Variants in LRRIQ3 observed in about 807,000 individuals in gnomAD.
LRRIQ3 encodes the protein leucine-rich repeat and IQ domain-containing protein 3.
Under a neutral mutation model 59.3 loss-of-function variants are expected in LRRIQ3, and 75 were observed. The observed-to-expected ratio is 1.26, with a 90% CI of 1.05 to 1.53. The LOEUF is 1.53. Among genes scored for constraint, LRRIQ3 ranks in the 40% most tolerant of loss-of-function variants. The pLI is 0.00. For missense variants in LRRIQ3, 831 were observed against 710.0 expected, an observed-to-expected ratio of 1.17 and a Z score of -1.94; for synonymous variants, 250 against 231.3, an observed-to-expected ratio of 1.08 and a Z score of -0.73.
chr1:74,063,166 T>A (rs1334523013), intron 6 of LRRIQ3, among the ~76,000 whole-genome samples: 7 of 150,086 alleles, frequency 4.7e-5, no homozygotes, highest in East Asian at 2.0e-4. Context: ...CGAGGAAGGG[T>A]GTTTCCTAAT....
intron 5 of LRRIQ3, among the ~76,000 whole-genome samples, chr1:74,090,917 A>C (rs1313485056): frequency 2.6e-5 from 4 of 152,110 alleles, no homozygotes; most frequent in Admixed American, 2.6e-4. Flanking sequence ...AAGTAAATAC[A>C]TAAATCAAAA....
intron 4 of LRRIQ3, among the ~76,000 whole-genome samples, chr1:74,133,557 T>C (rs1193348688): frequency 1.3e-5 from 2 of 152,148 alleles, no homozygotes; most frequent in African/African-American, 4.8e-5. Flanking sequence ...TTCATGTCCT[T>C]TGTAGGCACC....
chr1:74,096,548 C>T (rs897802430), intron 5 of LRRIQ3, among the ~76,000 whole-genome samples: 8 of 152,090 alleles, frequency 5.3e-5, no homozygotes, highest in African/African-American at 1.4e-4. Context: ...TCTCGCAACT[C>T]GTTAAAGTCA....
At chr1:74,178,595 T>C (rs1649786902) in intron 3 of LRRIQ3, among the ~76,000 whole-genome samples, 1 of 152,140 alleles carries the variant, frequency 6.6e-6, no homozygotes, top group Non-Finnish European at 1.5e-5. Flanking sequence ...TTGTACTGCA[T>C]TATCAATTTG....
At chr1:74,098,768 C>A (rs1421059602) in intron 5 of LRRIQ3, among the ~76,000 whole-genome samples, 1 of 152,180 alleles carries the variant, frequency 6.6e-6, no homozygotes, top group African/African-American at 2.4e-5. Flanking sequence ...AACCACTCAA[C>A]TACATGGAAA....
intron 4 of LRRIQ3, among the ~76,000 whole-genome samples, chr1:74,153,470 C>T (rs1648112507): frequency 2.6e-5 from 4 of 152,134 alleles, no homozygotes; most frequent in Admixed American, 1.3e-4. Context: ...GGGAGCTCTT[C>T]ATATTTCCTA....
At position 74,041,805 on chromosome 1, in the gene LRRIQ3, G is replaced by A. The variant is rs750908343; in HGVS notation, c.1126C>T (p.His376Tyr). The A allele has an allele frequency of 1.4e-5, 23 of 1,613,298 alleles. No homozygotes were observed. The Admixed American group carries it at 2.5e-4, about 18-fold the overall frequency. ...GGCTGAGGATATGCAGGAAAAAAATGTTGTTTTTTCTCTCTCAATACTGCA... is the reference window on the plus strand; with the variant it reads ...GGCTGAGGATATGCAGGAAAAAAATATTGTTTTTTCTCTCTCAATACTGCA... ...NNAVLREKKQ[H>Y]FFPAYPQPIY... The change falls in exon 7 of 8, where the codon CAT (histidine) becomes TAT (tyrosine). Residue 376 changes from histidine to tyrosine, a missense_variant. Coordinates refer to ENST00000354431, the MANE Select transcript of LRRIQ3 (RefSeq NM_001105659.2).
chr1:74,108,833 A>G (rs1646648208), intron 5 of LRRIQ3: 1 of 342,094 alleles, frequency 2.9e-6, no homozygotes, highest in African/African-American at 2.2e-5. Context: ...TAAGTTAATT[A>G]ACCTCTATGT....
chr1:74,092,148 T>C (rs554312861), intron 5 of LRRIQ3, among the ~76,000 whole-genome samples: 1 of 151,966 alleles, frequency 6.6e-6, no homozygotes, highest in African/African-American at 2.4e-5. Context: ...ATGGGTGGAG[T>C]AAGTGCAGTC....
At chr1:74,139,069 T>C (rs1468871364) in intron 4 of LRRIQ3, among the ~76,000 whole-genome samples, 5 of 150,614 alleles carry the variant, frequency 3.3e-5, no homozygotes, top group Admixed American at 6.7e-5. Flanking sequence ...TATATATATA[T>C]ATACACATAT....
At chr1:74,147,056 C>T (rs975260527) in intron 4 of LRRIQ3, among the ~76,000 whole-genome samples, 5 of 151,952 alleles carry the variant, frequency 3.3e-5, no homozygotes, top group Non-Finnish European at 7.4e-5. Flanking sequence ...TGCGAAACTC[C>T]ATCTCTATAA....
At chr1:74,193,969 GCAA>G (rs1650933630) in intron 1 of LRRIQ3, among the ~76,000 whole-genome samples, 3 of 152,076 alleles carry the variant, frequency 2.0e-5, no homozygotes, top group Admixed American at 2.0e-4. Flanking sequence ...TAGAATGTCT[GCAA>G]CATATTAAGT....
chr1:74,183,239 C>T (rs915616222), intron 2 of LRRIQ3, 197 bp downstream of exon 2: 1 of 411,586 alleles, frequency 2.4e-6, no homozygotes, highest in East Asian at 4.1e-5. Context: ...AGATTACACA[C>T]TATTTATGTA....
At chr1:74,046,355 G>C (rs1482348835) in intron 6 of LRRIQ3, among the ~76,000 whole-genome samples, 2 of 152,072 alleles carry the variant, frequency 1.3e-5, no homozygotes, top group African/African-American at 4.8e-5. Context: ...CAAGAAATGG[G>C]GAAAGGGTAC....
chr1:74,079,939 T>C (rs1175996959), intron 5 of LRRIQ3, among the ~76,000 whole-genome samples: 1 of 151,776 alleles, frequency 6.6e-6, no homozygotes, highest in Non-Finnish European at 1.5e-5. Context: ...TTTTTGTTAC[T>C]CCAAAGCTTC....
At chr1:74,128,008 T>C (rs936878758) in intron 4 of LRRIQ3, among the ~76,000 whole-genome samples, 1 of 152,034 alleles carries the variant, frequency 6.6e-6, no homozygotes, top group Non-Finnish European at 1.5e-5. Flanking sequence ...GGATACAGCT[T>C]TTTTTCCTTC....
rs113801587 is a variant in LRRIQ3, at chr1:74,094,014, G to A, written c.867+15380C>T. On this transcript the variant is annotated intron_variant, in intron 5 of 7. Coordinates refer to ENST00000354431, the MANE Select transcript of LRRIQ3 (RefSeq NM_001105659.2). ...CTGAAAGTTGGAAGTCCAAGGTAAA[G>A]GTTCCAGCTGATTCAGCTTCTGATG... Among the ~76,000 whole-genome samples, 565 of 152,098 alleles carry A rather than the reference G, an allele frequency of 3.7e-3. 9 individuals are homozygous for A. Among genetic ancestry groups the A allele is most frequent in the African/African-American group, 0.013 (527 of 41,530 alleles).
At chr1:74,150,032 G>C (rs1026913694) in intron 4 of LRRIQ3, among the ~76,000 whole-genome samples, 5 of 152,194 alleles carry the variant, frequency 3.3e-5, no homozygotes, top group Non-Finnish European at 5.9e-5. Flanking sequence ...TAGGAAAAGA[G>C]AAATGCAGTA....
At chr1:74,166,095 T>C (rs1648970479) in intron 3 of LRRIQ3, among the ~76,000 whole-genome samples, 1 of 151,634 alleles carries the variant, frequency 6.6e-6, no homozygotes, top group Admixed American at 6.6e-5. Flanking sequence ...AGGTGTTCCT[T>C]TTTTATTTTT....
Sources: gnomAD v4.1 joint callset for allele counts (sites outside exome capture counted in the v4.1 genomes callset) on GRCh38, gnomAD v4.1.1 for gene constraint, MANE v1.5 for transcripts, NCBI Gene and HGNC (gene_info 2026-07-23, HGNC 2026-07-21) for gene names.